TXNDC12: variants seen among roughly 807,000 people sequenced by gnomAD.
The protein encoded by TXNDC12 is thioredoxin domain containing 12.
A neutral mutation model predicts 24.2 loss-of-function variants in TXNDC12; 22 were observed. The ratio of observed to expected loss-of-function variants is 0.91; its 90% CI spans 0.65 to 1.30. The LOEUF is 1.30. Among genes scored for constraint, TXNDC12 ranks in the 50% most tolerant of loss-of-function variants. The pLI, the probability that TXNDC12 is intolerant of heterozygous loss-of-function variation, is 0.00. For synonymous variants in TXNDC12, 58 were observed against 73.4 expected (o/e 0.79, Z 1.07); for missense variants, 184 against 205.8 (o/e 0.89, Z 0.65).
At chr1:52,027,902 A>T (rs1464273627) in intron 3 of TXNDC12, among the ~76,000 whole-genome samples, 1 of 151,864 alleles carries the variant, frequency 6.6e-6, no homozygotes, top group Non-Finnish European at 1.5e-5. Context: ...GTACGATCTC[A>T]GCTCACTGCA....
chr1:52,043,747 C>T (rs1454665003), intron 1 of TXNDC12, among the ~76,000 whole-genome samples: 1 of 152,218 alleles, frequency 6.6e-6, no homozygotes, highest in African/African-American at 2.4e-5. Flanking sequence ...GTACTGGTCA[C>T]ATAACTGCTA....
intron 2 of TXNDC12, among the ~76,000 whole-genome samples, chr1:52,040,857 C>A (rs931879360): frequency 6.6e-6 from 1 of 151,204 alleles, no homozygotes; most frequent in African/African-American, 2.4e-5. Flanking sequence ...ATGGTGAAAC[C>A]CCGTCTCTAC....
chr1:52,024,265 T>C (rs1476702364), intron 5 of TXNDC12, among the ~76,000 whole-genome samples: 1 of 152,192 alleles, frequency 6.6e-6, no homozygotes, highest in Non-Finnish European at 1.5e-5. Context: ...GTGCTGAGAC[T>C]ACAGGCATGA....
chr1:52,033,029 G>A lies in TXNDC12; in HGVS notation c.159-4399C>T, dbSNP rs1019435829. The A allele has an allele frequency of 5.7e-6, 9 of 1,573,734 alleles. No homozygotes were observed. The African/African-American group carries it at 9.5e-5, about 17-fold the overall frequency. ...GCCCGGTTCTCAAACAGGGCAGAGC[G>A]GATCCCCGCCAGGGGCAACGGCTCC... On this transcript the variant is annotated intron_variant, in intron 2 of 6. Coordinates refer to ENST00000371626, the MANE Select transcript of TXNDC12 (RefSeq NM_015913.4).
intron 2 of TXNDC12, among the ~76,000 whole-genome samples, chr1:52,031,304 C>A (rs188653024): frequency 6.6e-6 from 1 of 150,752 alleles, no homozygotes. Flanking sequence ...GGATTACAGG[C>A]ACGTGCCACC....
Position 52,051,271 on chromosome 1 carries a change from A to G in TXNDC12, c.97+3729T>C, listed in dbSNP as rs377390796. 6.6e-5 allele frequency among the ~76,000 whole-genome samples: 10 copies of G among 152,340 alleles called. No individual in the cohort carries two copies. In the East Asian group the frequency reaches 1.7e-3, roughly 26 times the overall value. ...CTATAGAACGTTAGAGCTGGAAGAG[A>G]TCTTAGGAAGTACTTCTAGTACAAC... On this transcript the variant is annotated intron_variant, in intron 1 of 6. Coordinates refer to ENST00000371626, the MANE Select transcript of TXNDC12 (RefSeq NM_015913.4).
intron 1 of TXNDC12, among the ~76,000 whole-genome samples, chr1:52,044,559 G>C (rs959600636): frequency 5.3e-5 from 8 of 152,216 alleles, no homozygotes; most frequent in Admixed American, 3.9e-4. Flanking sequence ...AACAGATTTT[G>C]ATCCCTGAGG....
intron 2 of TXNDC12, chr1:52,033,178 G>C (rs1298657285): frequency 6.2e-7 from 1 of 1,614,120 alleles, no homozygotes; most frequent in Non-Finnish European, 8.5e-7. Flanking sequence ...ATGCTTTGCA[G>C]ATTTCTCTGA....
chr1:52,020,859 A>T lies in TXNDC12; in HGVS notation c.*74T>A. On this transcript the variant is annotated 3_prime_UTR_variant, in exon 7 of 7. Coordinates refer to ENST00000371626, the MANE Select transcript of TXNDC12 (RefSeq NM_015913.4). ...CTGGTCGGCTTAATTGTTCTAGATG[A>T]TTCCTCAATATTCCCTTCCCTGCTG... 7.8e-7 allele frequency: 1 copy of T among 1,283,552 alleles called. No homozygotes were observed. Among genetic ancestry groups the T allele is most frequent in the South Asian group, 1.2e-5 (1 of 81,774 alleles). 79.5% of individuals were successfully genotyped at this position (1,283,552 alleles called of 1,614,324 possible). A position where few individuals can be genotyped will look rare whatever the true frequency, so the allele number is the denominator to read the frequency against.
rs1685833514 is a variant in TXNDC12, at chr1:52,033,896, CAGG to C, written c.159-5269_159-5267del. 9 of 1,433,012 alleles carry C rather than the reference CAGG, an allele frequency of 6.3e-6. No individual in the cohort carries two copies. The South Asian group carries it at 1.2e-4, about 19-fold the overall frequency. The allele number at this position is 1,433,012 out of a possible 1,614,324, so 88.8% of individuals were successfully genotyped here. A position where few individuals can be genotyped will look rare whatever the true frequency, so the allele number is the denominator to read the frequency against. ...ACAGACCCTCTTGTTTCTATGGAAA[CAGG>C]AGTTCTACGCCAGCTAGGCCCAGGT... On this transcript the variant is annotated intron_variant, in intron 2 of 6. Transcript: ENST00000371626.
At chr1:52,034,539 T>C (rs544600334) in intron 2 of TXNDC12, among the ~76,000 whole-genome samples, 3 of 152,202 alleles carry the variant, frequency 2.0e-5, no homozygotes, top group East Asian at 3.8e-4. Flanking sequence ...AAATATTGCA[T>C]AGACATATTT....
chr1:52,040,521 G>T (rs1218643080), intron 2 of TXNDC12, among the ~76,000 whole-genome samples: 1 of 152,134 alleles, frequency 6.6e-6, no homozygotes, highest in Non-Finnish European at 1.5e-5. Flanking sequence ...TTAACTTGTA[G>T]ATTTCTGTAT....
At chr1:52,033,629 C>T (rs1481833186) in intron 2 of TXNDC12, 2 of 1,612,200 alleles carry the variant, frequency 1.2e-6, no homozygotes. Context: ...ACCGCTGGGT[C>T]CTCTGCGCCC....
chr1:52,028,731 T>C (rs1029062750), intron 2 of TXNDC12, 101 bp from the exon 3 acceptor site: 18 of 907,532 alleles, frequency 2.0e-5, no homozygotes, highest in Non-Finnish European at 2.4e-5. Flanking sequence ...ATTATTTCAA[T>C]TGGGAAAATC....
At position 52,020,822 on chromosome 1, in the gene TXNDC12, G is replaced by A; in HGVS notation, c.*111C>T. On this transcript the variant is annotated 3_prime_UTR_variant, in exon 7 of 7. Coordinates refer to ENST00000371626, the MANE Select transcript of TXNDC12 (RefSeq NM_015913.4). Reference sequence around the variant, plus strand: ...AGAGCGCTCCTTCCAGTGTAGGTAGGAATGAGGTTTCCTGGTCGGCTTAAT... The same window carrying A: ...AGAGCGCTCCTTCCAGTGTAGGTAGAAATGAGGTTTCCTGGTCGGCTTAAT... The A allele has an allele frequency of 1.2e-6, 1 of 842,754 alleles. No homozygotes were observed. Among genetic ancestry groups the A allele is most frequent in the South Asian group, 1.6e-5 (1 of 62,136 alleles). 52.2% of individuals were successfully genotyped at this position (842,754 alleles called of 1,614,324 possible).
intron 1 of TXNDC12, among the ~76,000 whole-genome samples, chr1:52,046,968 G>T (rs926492670): frequency 6.6e-6 from 1 of 151,360 alleles, no homozygotes; most frequent in Admixed American, 6.6e-5. Flanking sequence ...GCTTGAACTT[G>T]GGAGGCGAAG....
chr1:52,035,563 A>G (rs1446075037), intron 2 of TXNDC12, among the ~76,000 whole-genome samples: 4 of 152,086 alleles, frequency 2.6e-5, no homozygotes, highest in Non-Finnish European at 5.9e-5. Flanking sequence ...TTTTTAAAAA[A>G]TTAGTCGGGT....
At chr1:52,033,702 C>T in intron 2 of TXNDC12, 1 of 1,611,058 alleles carries the variant, frequency 6.2e-7, no homozygotes, top group Non-Finnish European at 8.5e-7. Context: ...CCACGCGCAA[C>T]TCTTCAGCAC....
intron 2 of TXNDC12, chr1:52,033,110 C>G (rs1341599873): frequency 6.2e-7 from 1 of 1,612,712 alleles, no homozygotes; most frequent in South Asian, 1.1e-5. Flanking sequence ...GAATCGGGAG[C>G]CTCAAAGCGC....
Sources: gnomAD v4.1 joint callset for allele counts (sites outside exome capture counted in the v4.1 genomes callset) on GRCh38, gnomAD v4.1.1 for gene constraint, MANE v1.5 for transcripts, NCBI Gene and HGNC (gene_info 2026-07-23, HGNC 2026-07-21) for gene names.